The following FUT8 variants were observed in gnomAD, a reference collection of about 807,000 sequenced individuals.
FUT8 encodes the protein alpha-(1,6)-fucosyltransferase.
In FUT8, 29 loss-of-function variants were observed where a neutral mutation model predicts 71.3. That is an observed-to-expected ratio of 0.41 (90% CI 0.30 to 0.55). FUT8 has a LOEUF of 0.55. Ranked by LOEUF, FUT8 falls within the 20% of genes least tolerant of loss-of-function variation. The pLI is 0.34. For missense variants in FUT8, 544 were observed against 702.1 expected, an observed-to-expected ratio of 0.77 and a Z score of 2.55; for synonymous variants, 254 against 239.3, an observed-to-expected ratio of 1.06 and a Z score of -0.57.
At position 65,510,480 on chromosome 14, in the gene FUT8, C is replaced by T. The variant is rs1433204171; in HGVS notation, c.-227-50857C>T. ...GAAGTATTCCCCCTCCTCTATTTTT[C>T]GGAATAGTTTCAGTAGGATTGGTAT... is the stretch of plus-strand genomic sequence containing the variant. On this transcript the variant is annotated intron_variant, in intron 2 of 10. Transcript: ENST00000673929. Among the ~76,000 whole-genome samples the T allele has an allele frequency of 5.3e-5, 8 of 152,056 alleles. No homozygotes were observed. The East Asian group carries it at 1.3e-3, about 26-fold the overall frequency.
At chr14:65,562,391 C>G (rs1187983429) in intron 3 of FUT8, among the ~76,000 whole-genome samples, 1 of 152,044 alleles carries the variant, frequency 6.6e-6, no homozygotes, top group Non-Finnish European at 1.5e-5. Flanking sequence ...CATTAAACAA[C>G]TGGATCTGGA....
intron 2 of FUT8, among the ~76,000 whole-genome samples, chr14:65,486,514 T>A (rs2066411372): frequency 6.6e-6 from 1 of 152,200 alleles, no homozygotes; most frequent in Non-Finnish European, 1.5e-5. Context: ...TGAAGAAGTC[T>A]TTAAGTCATG....
chr14:65,442,018 G>T (rs61989998), intron 1 of FUT8, among the ~76,000 whole-genome samples: 9,946 of 151,834 alleles, frequency 0.066, 376 homozygotes, highest in Admixed American at 0.11. Flanking sequence ...TCATTGTTCA[G>T]TTCCCACCTA....
chr14:65,670,387 T>C (rs1892417642), intron 7 of FUT8, among the ~76,000 whole-genome samples: 1 of 152,162 alleles, frequency 6.6e-6, no homozygotes, highest in African/African-American at 2.4e-5. Context: ...TGAAATAATA[T>C]ATGTAATGCA....
At chr14:65,584,599 AAATAT>A (rs1481270538) in intron 3 of FUT8, among the ~76,000 whole-genome samples, 1 of 152,236 alleles carries the variant, frequency 6.6e-6, no homozygotes, top group Non-Finnish European at 1.5e-5. Flanking sequence ...ATAAAGATAG[AAATAT>A]AATAGATCAG....
chr14:65,439,940 G>A (rs1217488511), intron 1 of FUT8, among the ~76,000 whole-genome samples: 2 of 46,188 alleles, frequency 4.3e-5, no homozygotes, highest in African/African-American at 6.6e-5. Flanking sequence ...TAAAGAAAAT[G>A]TGTGTGTGTG....
chr14:65,478,732 G>T (rs1357865669), intron 2 of FUT8, among the ~76,000 whole-genome samples: 1 of 152,154 alleles, frequency 6.6e-6, no homozygotes, highest in Non-Finnish European at 1.5e-5. Flanking sequence ...TCTCTAACTA[G>T]TGTCTTTCCA....
At position 65,423,028 on chromosome 14, in the gene FUT8, C is replaced by T. The variant is rs537051504; in HGVS notation, c.-326+9814C>T. On this transcript the variant is annotated intron_variant, in intron 1 of 10. Transcript: ENST00000673929. Reference sequence around the variant, plus strand: ...CGAGACTGAGTCTCGCTTTGTCACCCAGGCTGGAGTGCAGTGGCGCGATCT... The same window carrying T: ...CGAGACTGAGTCTCGCTTTGTCACCTAGGCTGGAGTGCAGTGGCGCGATCT... Among the ~76,000 whole-genome samples the T allele has an allele frequency of 8.7e-5, 13 of 149,500 alleles. 1 individual carries two copies. The South Asian group carries it at 2.8e-3, about 32-fold the overall frequency.
At chr14:65,447,927 AG>A (rs2139521601) in intron 1 of FUT8, among the ~76,000 whole-genome samples, 1 of 152,320 alleles carries the variant, frequency 6.6e-6, no homozygotes, top group Non-Finnish European at 1.5e-5. Flanking sequence ...GTTTCTTGAA[AG>A]GCACGATAAC....
At chr14:65,456,673 G>C (rs1259022683) in intron 2 of FUT8, among the ~76,000 whole-genome samples, 1 of 151,972 alleles carries the variant, frequency 6.6e-6, no homozygotes, top group Non-Finnish European at 1.5e-5. Context: ...AAGAGATCAA[G>C]ACCATCCTGG....
At chr14:65,533,981 T>C (rs1414544129) in intron 2 of FUT8, among the ~76,000 whole-genome samples, 1 of 152,222 alleles carries the variant, frequency 6.6e-6, no homozygotes, top group East Asian at 1.9e-4. Flanking sequence ...AAGCCCTACT[T>C]GATCATGGTG....
At position 65,574,348 on chromosome 14, in the gene FUT8, A is replaced by G. The variant is rs975730326; in HGVS notation, c.203+12582A>G. On this transcript the variant is annotated intron_variant, in intron 3 of 10. Transcript: ENST00000673929. This position sits in a 1 kb window ranked among gnomAD's most constrained non-coding sequence, Gnocchi z 5.2. ...AGAGCAAATCACAGGTCCCATTTAC[A>G]CTTGGGGAGGCGATTTTCCAAGGTC... Among the ~76,000 whole-genome samples, 12 of 152,222 alleles carry G rather than the reference A, an allele frequency of 7.9e-5. No individual in the cohort carries two copies. Among genetic ancestry groups the G allele is most frequent in the African/African-American group, 2.4e-4 (10 of 41,516 alleles).
chr14:65,480,142 C>T (rs1388833898), intron 2 of FUT8, among the ~76,000 whole-genome samples: 1 of 151,836 alleles, frequency 6.6e-6, no homozygotes, highest in Non-Finnish European at 1.5e-5. Flanking sequence ...ATCTTTGTGT[C>T]CCTAGTGCCT....
At chr14:65,662,975 A>G (rs891082504) in intron 6 of FUT8, among the ~76,000 whole-genome samples, 5 of 152,180 alleles carry the variant, frequency 3.3e-5, no homozygotes, top group Non-Finnish European at 7.3e-5. Flanking sequence ...ATATCTGCCT[A>G]TTAGTGAGTC....
chr14:65,701,922 C>T (rs1387289792), intron 7 of FUT8, among the ~76,000 whole-genome samples: 2 of 152,102 alleles, frequency 1.3e-5, no homozygotes, highest in Non-Finnish European at 2.9e-5. Context: ...TTGAGTCTCA[C>T]TGAAACTATG....
intron 2 of FUT8, among the ~76,000 whole-genome samples, chr14:65,457,233 G>A (rs17181120): frequency 0.015 from 2,305 of 152,216 alleles, 36 homozygotes; most frequent in Middle Eastern, 0.071. Context: ...TACTGTTAAA[G>A]CGCTGTGATG....
intron 2 of FUT8, among the ~76,000 whole-genome samples, chr14:65,538,077 C>T (rs910818708): frequency 6.6e-6 from 1 of 152,142 alleles, no homozygotes; most frequent in Non-Finnish European, 1.5e-5. Context: ...TCTTTAGTCC[C>T]CTAGGGCCAA....
At chr14:65,492,139 A>G (rs1263198660) in intron 2 of FUT8, among the ~76,000 whole-genome samples, 1 of 152,236 alleles carries the variant, frequency 6.6e-6, no homozygotes, top group African/African-American at 2.4e-5. Flanking sequence ...GGGACAATCA[A>G]GTGAAATCAC....
chr14:65,701,064 C>G (rs188909106), intron 7 of FUT8, among the ~76,000 whole-genome samples: 6 of 152,160 alleles, frequency 3.9e-5, no homozygotes, highest in Non-Finnish European at 7.4e-5. Flanking sequence ...ATTTCACTGA[C>G]AAGAATAATG....
Sources: allele counts gnomAD v4.1 joint callset (sites outside exome capture counted in the v4.1 genomes callset), GRCh38; gene constraint gnomAD v4.1.1; non-coding constraint Gnocchi (gnomAD v3.1); transcripts MANE v1.5; gene names NCBI Gene and HGNC (gene_info 2026-07-23, HGNC 2026-07-21).